Variants in HFM1 observed in about 807,000 individuals in gnomAD.
HFM1 encodes helicase for meiosis 1.
In HFM1, 169 loss-of-function variants were observed where a neutral mutation model predicts 192.1. That is an observed-to-expected ratio of 0.88 (90% CI 0.78 to 1.00). HFM1 has a LOEUF of 1.00. Among genes scored for constraint, HFM1 ranks in the 50% least tolerant of loss-of-function variants. HFM1 has a pLI of 0.00. For missense variants in HFM1, 1,661 were observed against 1,668.0 expected, an observed-to-expected ratio of 1.00 and a Z score of 0.07; for synonymous variants, 525 against 537.8, an observed-to-expected ratio of 0.98 and a Z score of 0.33.
At chr1:91,292,447 T>G (rs970226575) in intron 30 of HFM1, among the ~76,000 whole-genome samples, 1 of 145,730 alleles carries the variant, frequency 6.9e-6, no homozygotes, top group African/African-American at 2.6e-5. Context: ...GAACTCCCAT[T>G]CACAATTGCT....
intron 4 of HFM1, among the ~76,000 whole-genome samples, chr1:91,392,811 C>T (rs965996765): frequency 5.3e-5 from 8 of 151,986 alleles, no homozygotes; most frequent in Non-Finnish European, 1.2e-4. Flanking sequence ...AAGCCAGGCA[C>T]AAATAGCCAT....
chr1:91,383,350 T>C (rs1369152934), intron 6 of HFM1, among the ~76,000 whole-genome samples: 1 of 152,196 alleles, frequency 6.6e-6, no homozygotes, highest in African/African-American at 2.4e-5. Context: ...ATATTTCCTA[T>C]GTTTCCATCC....
intron 11 of HFM1, chr1:91,377,634 A>C (rs953666788): frequency 5.0e-6 from 1 of 200,844 alleles, no homozygotes; most frequent in Non-Finnish European, 9.9e-6. Flanking sequence ...AATGCCAAGC[A>C]TACAGAATTG....
intron 30 of HFM1, among the ~76,000 whole-genome samples, chr1:91,288,463 G>A (rs1668295119): frequency 6.6e-6 from 1 of 150,978 alleles, no homozygotes; most frequent in African/African-American, 2.4e-5. Context: ...AATAGTGGAG[G>A]GAAGGTCAGC....
chr1:91,308,122 G>C (rs1391761998), intron 30 of HFM1, among the ~76,000 whole-genome samples: 1 of 152,150 alleles, frequency 6.6e-6, no homozygotes, highest in Non-Finnish European at 1.5e-5. Flanking sequence ...TTCTAAATCT[G>C]TTGGTTGGTG....
chr1:91,322,850 T>G, intron 23 of HFM1, 100 bp downstream of exon 23: 2 of 540,696 alleles, frequency 3.7e-6, no homozygotes, highest in Non-Finnish European at 6.2e-6. Context: ...ATCCACATTC[T>G]GACTCATTTT....
intron 35 of HFM1, 147 bp from the exon 36 acceptor site, chr1:91,266,254 GA>G (rs2100695025): frequency 1.6e-6 from 1 of 614,030 alleles, no homozygotes; most frequent in South Asian, 2.2e-5. Context: ...AATTTGCATA[GA>G]AAAATTAGGG....
intron 30 of HFM1, 145 bp from the exon 31 acceptor site, chr1:91,277,207 C>G (rs1344168705): frequency 2.2e-6 from 1 of 450,546 alleles, no homozygotes; most frequent in Non-Finnish European, 3.8e-6. Context: ...TTGTAATCCA[C>G]GTAATTTTTT....
rs755235351 is a variant in HFM1, at chr1:91,353,254, A to G, written c.1729+2T>C. 5 of 1,585,324 alleles carry G rather than the reference A, an allele frequency of 3.2e-6. No individual in the cohort carries two copies. The highest frequency in any genetic ancestry group is 3.5e-6 in the Non-Finnish European group (4 of 1,156,552). On this transcript the variant is annotated splice_donor_variant, in intron 14 of 38. Coordinates refer to ENST00000370425, the MANE Select transcript of HFM1 (RefSeq NM_001017975.6). LOFTEE classifies it high-confidence loss of function. ...CTATTCAAAAATTATCTCTAAACCT[A>G]CCTCTCAGTTTTGAATCTCTTACGG...
chr1:91,356,864 A>G (rs574030553), intron 13 of HFM1, among the ~76,000 whole-genome samples: 105 of 152,266 alleles, frequency 6.9e-4, no homozygotes, highest in African/African-American at 2.5e-3. Context: ...CAGGAAATGG[A>G]CAAACTCCTA....
Position 91,274,750 on chromosome 1 carries a change from AG to A in HFM1, c.3647del (p.Pro1216LeufsTer12). 6.5e-7 allele frequency: 1 copy of A among 1,542,352 alleles called. No homozygotes were observed. Among genetic ancestry groups the A allele is most frequent in the Non-Finnish European group, 9.0e-7 (1 of 1,116,868 alleles). On this transcript the variant is annotated frameshift_variant, in exon 33 of 39. Transcript: ENST00000370425. LOFTEE classifies it high-confidence loss of function. ...TGTACCTTGATATACTAGGAAGGGA[AG>A]GTTTTGGAGTAAAACCAAACTCTTT... is the stretch of plus-strand genomic sequence containing the variant. The part of the protein sequence containing the change: ...DLKEFGFTPK[P>X]SLPSISRSEY...
intron 13 of HFM1, among the ~76,000 whole-genome samples, chr1:91,365,211 G>T (rs1419378012): frequency 1.3e-5 from 2 of 152,038 alleles, no homozygotes; most frequent in Admixed American, 1.3e-4. Flanking sequence ...TGGGAACGGG[G>T]GAAGAAATGG....
Position 91,378,200 on chromosome 1 carries a change from G to T in HFM1, c.1237-17C>A. Reference sequence around the variant, plus strand: ...AATATGTACCTAAGCAGGAAATCAAGAAAAAATCATTAGCTATAGAATTAA... The same window carrying T: ...AATATGTACCTAAGCAGGAAATCAATAAAAAATCATTAGCTATAGAATTAA... On this transcript the variant is annotated splice_polypyrimidine_tract_variant and intron_variant, in intron 10 of 38. Transcript: ENST00000370425. 2 of 1,546,598 alleles carry T rather than the reference G, an allele frequency of 1.3e-6. No individual in the cohort carries two copies. The highest frequency in any genetic ancestry group is 1.7e-6 in the Non-Finnish European group (2 of 1,146,128).
chr1:91,391,153 T>C (rs1190240890), intron 4 of HFM1, among the ~76,000 whole-genome samples: 9 of 152,154 alleles, frequency 5.9e-5, no homozygotes, highest in Non-Finnish European at 1.3e-4. Context: ...GAAGAATCAA[T>C]ATTGTGAAAA....
intron 17 of HFM1, among the ~76,000 whole-genome samples, chr1:91,351,290 A>C (rs1193095143): frequency 6.6e-6 from 1 of 151,934 alleles, no homozygotes; most frequent in Non-Finnish European, 1.5e-5. Context: ...CATAATTACT[A>C]AGGCTTTATT....
intron 13 of HFM1, among the ~76,000 whole-genome samples, chr1:91,364,305 G>A (rs564083194): frequency 5.3e-5 from 8 of 151,950 alleles, no homozygotes; most frequent in East Asian, 1.9e-4. Context: ...TACAGGTGAT[G>A]GTGTGGAAAA....
intron 30 of HFM1, among the ~76,000 whole-genome samples, chr1:91,306,992 T>G (rs1053446042): frequency 6.6e-6 from 1 of 152,192 alleles, no homozygotes; most frequent in Non-Finnish European, 1.5e-5. Context: ...TGTCTTGTTT[T>G]TGTGCTTTTG....
chr1:91,404,869 T>G (rs1664723534), upstream of HFM1: 1 of 455,346 alleles, frequency 2.2e-6, no homozygotes, highest in Admixed American at 2.4e-5. Flanking sequence ...CAAGCCTGGC[T>G]AAGCCGAGCT....
At chr1:91,363,885 G>A (rs949960149) in intron 13 of HFM1, among the ~76,000 whole-genome samples, 1 of 152,162 alleles carries the variant, frequency 6.6e-6, no homozygotes, top group Non-Finnish European at 1.5e-5. Context: ...GTCCTTTGCA[G>A]AGACATGGAT....
Sources: allele counts gnomAD v4.1 joint callset (sites outside exome capture counted in the v4.1 genomes callset), GRCh38; gene constraint gnomAD v4.1.1; transcripts MANE v1.5; gene names NCBI Gene and HGNC (gene_info 2026-07-23, HGNC 2026-07-21).